DDX3X: variants seen among roughly 807,000 people sequenced by gnomAD.
DDX3X encodes ATP-dependent RNA helicase DDX3X.
In DDX3X, 4 loss-of-function variants were observed where a neutral mutation model predicts 52.7. That is an observed-to-expected ratio of 0.08 (90% CI 0.04 to 0.17). The LOEUF (loss-of-function observed/expected upper bound fraction) is 0.17, where lower values mean the gene tolerates loss of function less well. Among genes scored for constraint, DDX3X ranks in the 10% least tolerant of loss-of-function variants. DDX3X has a pLI of 1.00. For synonymous variants in DDX3X, 192 were observed against 178.1 expected, an observed-to-expected ratio of 1.08 and a Z score of -0.62; for missense variants, 222 against 548.6, an observed-to-expected ratio of 0.40 and a Z score of 5.95.
At chrX:41,337,367 A>T in intron 1 of DDX3X, 41 bp from the exon 2 acceptor site, 1 of 1,141,750 alleles carries the variant, frequency 8.8e-7, no homozygotes, top group Non-Finnish European at 1.2e-6. Flanking sequence ...TTAATGTAGT[A>T]TTTGAGCACA....
intron 4 of DDX3X, chrX:41,342,061 C>G (rs906504305): frequency 1.3e-5 from 2 of 151,398 alleles, no homozygotes; most frequent in African/African-American, 6.3e-5. Context: ...GGATTATTTT[C>G]TACCTTTTAT....
intron 15 of DDX3X, 25 bp downstream of exon 15, chrX:41,347,037 A>T (rs895880450): frequency 2.5e-6 from 3 of 1,179,186 alleles, no homozygotes; most frequent in Non-Finnish European, 3.4e-6. Flanking sequence ...GTATATAATG[A>T]GGGGAATGGG....
At chrX:41,364,145 C>A in intron 5 of DDX3X, 1 of 289,348 alleles carries the variant, frequency 3.5e-6, no homozygotes, top group Non-Finnish European at 6.0e-6. Flanking sequence ...GAGAGACTTG[C>A]CTCCCAGTTC....
At chrX:41,358,808 G>T (rs1174894745) in intron 5 of DDX3X, among the ~76,000 whole-genome samples, 2 of 111,044 alleles carry the variant, frequency 1.8e-5, no homozygotes. Flanking sequence ...CCCTAGGCTG[G>T]AGTACAATGG....
intron 5 of DDX3X, among the ~76,000 whole-genome samples, chrX:41,362,277 CG>C (rs1456773279): frequency 9.1e-6 from 1 of 109,862 alleles, no homozygotes; most frequent in African/African-American, 3.3e-5. Context: ...TTAGTAGAGA[CG>C]GGGTTTTGCC....
At chrX:41,355,424 C>A in intron 5 of DDX3X, among the ~76,000 whole-genome samples, 1 of 110,749 alleles carries the variant, frequency 9.0e-6, no homozygotes, top group Middle Eastern at 4.7e-3. Context: ...AGGACAGATC[C>A]AATTTCTCTG....
chrX:41,360,591 C>T (rs6610552), intron 5 of DDX3X, among the ~76,000 whole-genome samples: 22,169 of 106,951 alleles, frequency 0.21, 2,142 homozygotes, highest in South Asian at 0.45. Flanking sequence ...TATAGGCATG[C>T]GCCACCACAC....
intron 1 of DDX3X, 28 bp downstream of exon 1, chrX:41,334,325 G>A: frequency 8.3e-7 from 1 of 1,206,478 alleles, no homozygotes. Flanking sequence ...CACCGGGCTG[G>A]CTGCTGCGTG....
downstream of DDX3X, among the ~76,000 whole-genome samples, chrX:41,352,228 A>G (rs982138609): frequency 1.8e-5 from 2 of 111,735 alleles, no homozygotes; most frequent in Admixed American, 9.6e-5. Context: ...GTACTGTGAC[A>G]TATCTATATT....
upstream of DDX3X, chrX:41,333,716 AAAAAAC>A (rs2063709803): frequency 1.8e-5 from 2 of 111,600 alleles, no homozygotes; most frequent in East Asian, 2.8e-4. Context: ...GTTAGGAAAA[AAAAAAC>A]AAAAACAAAA....
At chrX:41,354,208 C>T (rs938400392), downstream of DDX3X, among the ~76,000 whole-genome samples, 1 of 110,777 alleles carries the variant, frequency 9.0e-6, no homozygotes, top group African/African-American at 3.3e-5. Flanking sequence ...ATCCACACAC[C>T]CTGTTCCAAT....
chrX:41,337,002 A>G (rs1409429715), intron 1 of DDX3X, among the ~76,000 whole-genome samples: 1 of 112,487 alleles, frequency 8.9e-6, no homozygotes, highest in Non-Finnish European at 1.9e-5. Context: ...GGAAACTTTC[A>G]TAACCGGCAC....
chrX:41,347,865 T>C lies in DDX3X; in HGVS notation c.*146T>C, dbSNP rs1191831062. On this transcript the variant is annotated 3_prime_UTR_variant, in exon 17 of 17. Transcript: ENST00000644876. ...ACTGAAATTTTTTTTTTAAGGGAGC[T>C]CAAGGTCACAAGAAGAAATGAAAGG... 3 of 429,008 alleles carry C rather than the reference T, an allele frequency of 7.0e-6. No individual in the cohort carries two copies. The highest frequency in any genetic ancestry group is 1.2e-5 in the Non-Finnish European group (3 of 249,120). The allele number at this position is 429,008 out of a possible 1,213,427, so 35.4% of individuals were successfully genotyped here.
downstream of DDX3X, chrX:41,351,471 G>A (rs1226026755): frequency 9.0e-6 from 1 of 111,214 alleles, no homozygotes; most frequent in Non-Finnish European, 1.9e-5. Flanking sequence ...TTGCTCCTAT[G>A]CTCTACGTGA....
At chrX:41,362,560 C>CT (rs2064033725) in intron 5 of DDX3X, among the ~76,000 whole-genome samples, 1 of 111,947 alleles carries the variant, frequency 8.9e-6, no homozygotes, top group African/African-American at 3.2e-5. Context: ...TTCATCCTTT[C>CT]TGCTGGAACC....
intron 4 of DDX3X, 103 bp from the exon 5 acceptor site, chrX:41,342,392 T>C (rs1269097107): frequency 5.4e-6 from 5 of 924,390 alleles, no homozygotes; most frequent in Non-Finnish European, 7.6e-6. Flanking sequence ...GACATCCTTA[T>C]GGTTAGCCAT....
chrX:41,334,490 G>A, intron 1 of DDX3X, 193 bp downstream of exon 1: 1 of 1,097,306 alleles, frequency 9.1e-7, no homozygotes, highest in Non-Finnish European at 1.2e-6. Flanking sequence ...CCCGGTCTCG[G>A]CCCGCTGTAT....
intron 5 of DDX3X, among the ~76,000 whole-genome samples, chrX:41,360,750 T>TC (rs1386305560): frequency 1.8e-5 from 2 of 110,656 alleles, no homozygotes; most frequent in East Asian, 5.8e-4. Context: ...GCCTAGTGCC[T>TC]CTGTTTAAGG....
At chrX:41,358,807 G>C (rs1401948599) in intron 5 of DDX3X, among the ~76,000 whole-genome samples, 2 of 111,347 alleles carry the variant, frequency 1.8e-5, no homozygotes. Flanking sequence ...CCCCTAGGCT[G>C]GAGTACAATG....
Sources: gnomAD v4.1 joint callset for allele counts (sites outside exome capture counted in the v4.1 genomes callset) on GRCh38, gnomAD v4.1.1 for gene constraint, MANE v1.5 for transcripts, NCBI Gene and HGNC (gene_info 2026-07-23, HGNC 2026-07-21) for gene names.